The following GREB1L variants were observed in gnomAD, a reference collection of about 807,000 sequenced individuals.
The protein encoded by GREB1L is GREB1 like retinoic acid receptor coactivator, also known as GREB1-like protein.
Under a neutral mutation model 200.8 loss-of-function variants are expected in GREB1L, and 17 were observed. That is an observed-to-expected ratio of 0.08 (90% confidence interval 0.06 to 0.13). GREB1L has a LOEUF of 0.13. GREB1L is among the 10% of genes least tolerant of loss of function. The probability of loss-of-function intolerance (pLI) is 1.00; values close to 1 mark genes in which losing one functional copy is unlikely to be tolerated. For missense variants in GREB1L, 1,657 were observed against 2,367.7 expected (o/e 0.70, Z 6.23); for synonymous variants, 789 against 893.0 (o/e 0.88, Z 2.08).
In GREB1L at chr18:21,330,447, C is replaced by T. The variant is rs73432759; in HGVS notation, c.-119-35580C>T. On this transcript the variant is annotated intron_variant, in intron 1 of 32. Transcript: ENST00000424526. ...TAACCTCTGCTGTTGATACTGGGTG[C>T]GCTCTTACCACCACTTAGAAATCTC... 2.1e-3 allele frequency among the ~76,000 whole-genome samples: 315 copies of T among 152,256 alleles called. 1 individual carries two copies. The highest frequency in any genetic ancestry group is 7.2e-3 in the African/African-American group (300 of 41,544).
At position 21,441,477 on chromosome 18, in the gene GREB1L, A is replaced by T. The variant is rs1227954100; in HGVS notation, c.1147A>T (p.Thr383Ser). The change falls in exon 10 of 33, where the codon ACT becomes TCT. Residue 383 changes from threonine to serine, a missense_variant. Thr to Ser is a moderately conservative substitution (Grantham distance 58). Around this residue, in one of 9 missense-constraint regions of GREB1L, gnomAD observed 289 missense variants for 345.1 expected, o/e 0.84. Transcript: ENST00000424526. ...ACCCAGGCCCATTCCTGCAGGGGAA[A>T]CTGTAATTGTTCCTGAAAACCTGCT... ...LQPRPIPAGETVIVPENLLSN... is the reference protein window; with the variant it reads ...LQPRPIPAGESVIVPENLLSN... 5 of 1,551,550 alleles carry T rather than the reference A, an allele frequency of 3.2e-6. No individual in the cohort carries two copies. Among genetic ancestry groups the T allele is most frequent in the Non-Finnish European group, 3.5e-6 (4 of 1,146,858 alleles).
chr18:21,262,477 T>C (rs1411673903), intron 1 of GREB1L, among the ~76,000 whole-genome samples: 1 of 152,200 alleles, frequency 6.6e-6, no homozygotes. Context: ...ATTACGTGCT[T>C]AGAGATACTT....
intron 4 of GREB1L, among the ~76,000 whole-genome samples, chr18:21,387,123 C>T (rs1045008084): frequency 9.2e-5 from 14 of 152,246 alleles, no homozygotes; most frequent in African/African-American, 3.1e-4. Flanking sequence ...TAGGTTCCTA[C>T]CCTGCTGGGA....
intron 19 of GREB1L, among the ~76,000 whole-genome samples, chr18:21,492,794 T>C (rs547170997): frequency 6.6e-6 from 1 of 152,114 alleles, no homozygotes; most frequent in African/African-American, 2.4e-5. Context: ...TATAAGAGTG[T>C]CCCATATTCT....
intron 7 of GREB1L, among the ~76,000 whole-genome samples, chr18:21,412,051 CAAAAAAAAAAAAAAA>C (rs962603456): frequency 6.6e-5 from 2 of 30,492 alleles, no homozygotes; most frequent in East Asian, 1.3e-3. Context: ...GACTCCGTCT[CAAAAAAAAAAAAAAA>C]AAAAAAAAAA....
At chr18:21,389,034 C>T (rs1184252382) in intron 4 of GREB1L, among the ~76,000 whole-genome samples, 9 of 152,094 alleles carry the variant, frequency 5.9e-5, no homozygotes, top group Non-Finnish European at 1.2e-4. Flanking sequence ...CCTTCCACTA[C>T]ATACTGTGGA....
At chr18:21,274,069 T>C (rs1316897506) in intron 1 of GREB1L, among the ~76,000 whole-genome samples, 1 of 152,200 alleles carries the variant, frequency 6.6e-6, no homozygotes, top group Non-Finnish European at 1.5e-5. Context: ...ACAACAAATA[T>C]TTATTTCTTA....
chr18:21,294,172 A>G (rs544874280), intron 1 of GREB1L, among the ~76,000 whole-genome samples: 1 of 152,358 alleles, frequency 6.6e-6, no homozygotes, highest in South Asian at 2.1e-4. Flanking sequence ...AATGTGGCTC[A>G]TGTGACTGAA....
chr18:21,517,976 C>A, intron 30 of GREB1L, 58 bp from the exon 31 acceptor site: 1 of 1,330,870 alleles, frequency 7.5e-7, no homozygotes, highest in South Asian at 1.3e-5. Context: ...AGTGTTTCCT[C>A]ACCTGTTTAA....
chr18:21,329,690 TATG>T (rs935115594), intron 1 of GREB1L, among the ~76,000 whole-genome samples: 24 of 152,094 alleles, frequency 1.6e-4, no homozygotes, highest in African/African-American at 4.8e-4. Flanking sequence ...CGAGATGCCT[TATG>T]ATGCAAAATA....
chr18:21,447,057 G>T (rs572674614), intron 11 of GREB1L, among the ~76,000 whole-genome samples: 2 of 152,294 alleles, frequency 1.3e-5, no homozygotes, highest in South Asian at 4.1e-4. Flanking sequence ...ATCAGCACTT[G>T]AAGGAAAAGA....
At chr18:21,504,324 C>G (rs890707549) in intron 23 of GREB1L, among the ~76,000 whole-genome samples, 2 of 152,280 alleles carry the variant, frequency 1.3e-5, no homozygotes, top group East Asian at 3.9e-4. Context: ...TGGCTTGAGG[C>G]TAGAAGTCTG....
chr18:21,247,585 T>C (rs2037628537), intron 1 of GREB1L, among the ~76,000 whole-genome samples: 5 of 152,196 alleles, frequency 3.3e-5, no homozygotes. Context: ...CTTCCAACTT[T>C]TTGTGTGCTT....
At chr18:21,295,384 A>G (rs999173406) in intron 1 of GREB1L, among the ~76,000 whole-genome samples, 1 of 152,070 alleles carries the variant, frequency 6.6e-6, no homozygotes, top group Non-Finnish European at 1.5e-5. Context: ...AGCAAATCTT[A>G]GTGACTGGAC....
At chr18:21,447,020 TACCTC>T (rs1555649358) in intron 11 of GREB1L, among the ~76,000 whole-genome samples, 1 of 152,236 alleles carries the variant, frequency 6.6e-6, no homozygotes, top group Non-Finnish European at 1.5e-5. Flanking sequence ...TTAAAACTGA[TACCTC>T]AGCTAACCTA....
intron 7 of GREB1L, among the ~76,000 whole-genome samples, chr18:21,432,705 CTTTTTTTTT>C (rs11380208): frequency 4.2e-5 from 4 of 94,352 alleles, no homozygotes; most frequent in Non-Finnish European, 8.0e-5. Context: ...TCTTTTTTTT[CTTTTTTTTT>C]TTTTTTTTTT....
At chr18:21,486,171 G>A (rs1169948845) in intron 18 of GREB1L, among the ~76,000 whole-genome samples, 2 of 152,138 alleles carry the variant, frequency 1.3e-5, no homozygotes, top group African/African-American at 4.8e-5. Flanking sequence ...TGGCTAACAC[G>A]GTGAAACCCC....
In GREB1L at chr18:21,441,482, A is replaced by G. The variant is rs1274052588; in HGVS notation, c.1152A>G (p.Val384=). 1.3e-6 allele frequency: 2 copies of G among 1,551,472 alleles called. No homozygotes were observed. The highest frequency in any genetic ancestry group is 2.7e-5 in the African/African-American group (2 of 73,012). The change falls in exon 10 of 33, where the codon GTA becomes GTG. Residue 384 remains valine, a synonymous_variant. Coordinates refer to ENST00000424526, the MANE Select transcript of GREB1L (RefSeq NM_001142966.3). The stretch of plus-strand genomic sequence containing the variant: ...GGCCCATTCCTGCAGGGGAAACTGT[A>G]ATTGTTCCTGAAAACCTGCTGAGTA... The part of the protein sequence containing the change: ...QPRPIPAGET[V]IVPENLLSNS...
Position 21,422,744 on chromosome 18 carries a change from A to G in GREB1L, c.833-16777A>G, listed in dbSNP as rs73425720. 7.9e-3 allele frequency among the ~76,000 whole-genome samples: 1,197 copies of G among 152,334 alleles called. 20 individuals are homozygous for G. The highest frequency in any genetic ancestry group is 0.028 in the African/African-American group (1,153 of 41,572). On this transcript the variant is annotated intron_variant, in intron 7 of 32. Coordinates refer to ENST00000424526, the MANE Select transcript of GREB1L (RefSeq NM_001142966.3). ...CAATGTAGCAATGAATAACCTCAAT[A>G]TATATCATTTCTCACATATATATAA...
Sources: allele counts gnomAD v4.1 joint callset (sites outside exome capture counted in the v4.1 genomes callset), GRCh38; gene constraint gnomAD v4.1.1; regional missense constraint gnomAD v4.1.1; transcripts MANE v1.5; gene names NCBI Gene and HGNC (gene_info 2026-07-23, HGNC 2026-07-21).